Variants in G3BP2 observed in about 807,000 individuals in gnomAD.
G3BP2 encodes the protein G3BP stress granule assembly factor 2, also known as ras GTPase-activating protein-binding protein 2.
Under a neutral mutation model 56.7 loss-of-function variants are expected in G3BP2, and 11 were observed. The observed-to-expected ratio is 0.19, with a 90% CI of 0.12 to 0.32. G3BP2 has a LOEUF of 0.32. G3BP2 is among the 10% of genes least tolerant of loss of function. The probability of loss-of-function intolerance (pLI) is 1.00; values close to 1 mark genes in which losing one functional copy is unlikely to be tolerated. For missense variants in G3BP2, 340 were observed against 610.9 expected, an observed-to-expected ratio of 0.56 and a Z score of 4.67; for synonymous variants, 165 against 191.6, an observed-to-expected ratio of 0.86 and a Z score of 1.15.
chr4:75,692,999 A>C (rs1718931203), intron 3 of G3BP2, among the ~76,000 whole-genome samples: 1 of 151,928 alleles, frequency 6.6e-6, no homozygotes, highest in South Asian at 2.1e-4. Context: ...GTAATCCCAG[A>C]ACTTTGGGAG....
At chr4:75,699,412 C>A (rs1027564087) in intron 3 of G3BP2, among the ~76,000 whole-genome samples, 5 of 152,180 alleles carry the variant, frequency 3.3e-5, no homozygotes, top group African/African-American at 1.2e-4. Context: ...GTCATTATTT[C>A]CATTGTACAG....
At chr4:75,660,336 C>G (rs532065550) in intron 2 of G3BP2, among the ~76,000 whole-genome samples, 3 of 152,170 alleles carry the variant, frequency 2.0e-5, no homozygotes, top group Middle Eastern at 3.4e-3. Context: ...TGCAGTTATT[C>G]ATTTTGCATT....
intron 3 of G3BP2, among the ~76,000 whole-genome samples, chr4:75,702,306 G>T (rs1169825905): frequency 1.3e-5 from 2 of 151,474 alleles, no homozygotes; most frequent in African/African-American, 4.8e-5. Context: ...ATCACACCCG[G>T]CTAATTCTTA....
chr4:75,675,106 A>G (rs1215252795), upstream of G3BP2, among the ~76,000 whole-genome samples: 5 of 152,244 alleles, frequency 3.3e-5, no homozygotes, highest in East Asian at 9.7e-4. Flanking sequence ...CTACACTGCT[A>G]CTATTCACTG....
rs970061235 is a variant in G3BP2, at chr4:75,644,141, T to C, written c.*1289A>G. 1.0e-4 allele frequency: 16 copies of C among 152,766 alleles called. No homozygotes were observed. The highest frequency in any genetic ancestry group is 9.8e-4 in the Admixed American group (15 of 15,306). The allele number at this position is 152,766 out of a possible 1,614,324, so 9.5% of individuals were successfully genotyped here. ...GCAGTATCCTCACTTCAGGCTTACTTGCCATTTATAGAATCTGACTGCTTT... is the reference window on the plus strand; with the variant it reads ...GCAGTATCCTCACTTCAGGCTTACTCGCCATTTATAGAATCTGACTGCTTT... On this transcript the variant is annotated 3_prime_UTR_variant, in exon 12 of 12. Transcript: ENST00000359707.
intron 3 of G3BP2, among the ~76,000 whole-genome samples, chr4:75,681,727 T>C (rs921952225): frequency 1.3e-5 from 2 of 151,130 alleles, no homozygotes; most frequent in Non-Finnish European, 2.9e-5. Flanking sequence ...TGTGTGCCTG[T>C]AGTCCCAGCT....
At chr4:75,713,150 G>A (rs570948627) in intron 3 of G3BP2, among the ~76,000 whole-genome samples, 69 of 152,242 alleles carry the variant, frequency 4.5e-4, no homozygotes, top group Middle Eastern at 3.4e-3. Flanking sequence ...CCCTTCTATT[G>A]AGAGAATATG....
chr4:75,664,304 C>T (rs1426088294), intron 1 of G3BP2, among the ~76,000 whole-genome samples: 1 of 150,134 alleles, frequency 6.7e-6, no homozygotes. Flanking sequence ...TAGCCAGGTG[C>T]GGTGGCTGAC....
At chr4:75,694,228 A>G (rs547956901) in intron 3 of G3BP2, among the ~76,000 whole-genome samples, 2 of 152,344 alleles carry the variant, frequency 1.3e-5, no homozygotes, top group South Asian at 2.1e-4. Flanking sequence ...TAGCACATTG[A>G]TAAGTTTGGA....
intron 8 of G3BP2, among the ~76,000 whole-genome samples, chr4:75,651,043 C>T (rs550452008): frequency 3.9e-5 from 6 of 152,282 alleles, no homozygotes; most frequent in Middle Eastern, 3.4e-3. Context: ...CTGAGACCAC[C>T]GCTATCTGTA....
chr4:75,718,342 G>T (rs561140497), intron 3 of G3BP2, among the ~76,000 whole-genome samples: 26 of 151,418 alleles, frequency 1.7e-4, no homozygotes, highest in African/African-American at 4.6e-4. Flanking sequence ...GTATAGATTT[G>T]CTTGCTGATT....
intron 3 of G3BP2, among the ~76,000 whole-genome samples, chr4:75,716,326 T>G (rs1452510976): frequency 6.6e-6 from 1 of 151,742 alleles, no homozygotes. Flanking sequence ...CGTGCCATGA[T>G]GCCCAGCCAG....
chr4:75,690,242 T>C (rs747509468), intron 3 of G3BP2, among the ~76,000 whole-genome samples: 4 of 152,112 alleles, frequency 2.6e-5, no homozygotes, highest in Non-Finnish European at 5.9e-5. Flanking sequence ...GAAACCAGCC[T>C]GGCCAACATG....
intron 3 of G3BP2, among the ~76,000 whole-genome samples, chr4:75,696,640 T>G (rs569144327): frequency 6.6e-6 from 1 of 152,120 alleles, no homozygotes; most frequent in Non-Finnish European, 1.5e-5. Context: ...GTGGCCTTGG[T>G]AAAAAACATT....
intron 3 of G3BP2, among the ~76,000 whole-genome samples, chr4:75,692,201 G>A (rs1345827189): frequency 1.3e-5 from 2 of 152,086 alleles, no homozygotes; most frequent in African/African-American, 4.8e-5. Context: ...GCTCTCTAAC[G>A]TAAGTTAAGG....
chr4:75,690,182 C>A (rs1420944027), intron 3 of G3BP2, among the ~76,000 whole-genome samples: 1 of 152,100 alleles, frequency 6.6e-6, no homozygotes, highest in African/African-American at 2.4e-5. Flanking sequence ...ACCTGTAATC[C>A]CAGCACTTTG....
chr4:75,699,222 C>T lies in G3BP2; in HGVS notation c.-25+21655G>A, dbSNP rs146780838. Among the ~76,000 whole-genome samples the T allele has an allele frequency of 3.3e-3, 510 of 152,318 alleles. 2 individuals carry two copies. Among genetic ancestry groups the T allele is most frequent in the African/African-American group, 0.011 (459 of 41,566 alleles). On this transcript the variant is annotated intron_variant, in intron 3 of 3. Transcript: ENST00000499709. ...GATTTTAAAGCACCCAGTGTAAAAA[C>T]AACAGAATTCCTCCTACAATATCCC...
rs534559859 is a variant in G3BP2, at chr4:75,644,805, A to C, written c.*625T>G. ...CTGGAATATACTTGTAGTCTTGTTA[A>C]GGTTTATGTGTACACACGCTGGTCA... On this transcript the variant is annotated 3_prime_UTR_variant, in exon 12 of 12. Coordinates refer to ENST00000359707, the MANE Select transcript of G3BP2 (RefSeq NM_203505.3). 3.3e-5 allele frequency: 5 copies of C among 152,692 alleles called. No individual in the cohort carries two copies. Among genetic ancestry groups the C allele is most frequent in the Non-Finnish European group, 5.9e-5 (4 of 68,056 alleles). 9.5% of individuals were successfully genotyped at this position (152,692 alleles called of 1,614,324 possible). A position where few individuals can be genotyped will look rare whatever the true frequency, so the allele number is the denominator to read the frequency against.
intron 3 of G3BP2, among the ~76,000 whole-genome samples, chr4:75,692,537 C>T (rs902976350): frequency 7.9e-5 from 12 of 152,000 alleles, no homozygotes; most frequent in Non-Finnish European, 1.8e-4. Flanking sequence ...GTCTTGAACT[C>T]CTGACCTTGT....
Sources: allele counts gnomAD v4.1 joint callset (sites outside exome capture counted in the v4.1 genomes callset), GRCh38; gene constraint gnomAD v4.1.1; transcripts MANE v1.5; gene names NCBI Gene and HGNC (gene_info 2026-07-23, HGNC 2026-07-21).